TENM4: variants seen among roughly 807,000 people sequenced by gnomAD.
TENM4 encodes teneurin transmembrane protein 4.
A neutral mutation model predicts 243.3 loss-of-function variants in TENM4; 82 were observed. The ratio of observed to expected loss-of-function variants is 0.34; its 90% CI spans 0.28 to 0.40. TENM4 has a LOEUF of 0.40. Ranked by LOEUF, TENM4 falls within the 10% of genes least tolerant of loss-of-function variation. The probability of loss-of-function intolerance (pLI) is 1.00; values close to 1 mark genes in which losing one functional copy is unlikely to be tolerated. For synonymous variants in TENM4, 1,412 were observed against 1,456.3 expected (o/e 0.97, Z 0.69); for missense variants, 3,138 against 3,673.3 (o/e 0.85, Z 3.77).
chr11:79,049,273 C>G (rs1859738335), intron 6 of TENM4, among the ~76,000 whole-genome samples: 1 of 152,202 alleles, frequency 6.6e-6, no homozygotes, highest in Non-Finnish European at 1.5e-5. Context: ...ACGGCTCTTC[C>G]CCCCTACTCA....
intron 3 of TENM4, among the ~76,000 whole-genome samples, chr11:79,195,864 T>C (rs1280271160): frequency 6.6e-6 from 1 of 152,026 alleles, no homozygotes; most frequent in Non-Finnish European, 1.5e-5. Context: ...GGAGTGGAAT[T>C]TTATGGTTTG....
At chr11:79,190,768 GTCCCTCTCCCTCTCCCGTCTCCCTC>G (rs1863463472) in intron 3 of TENM4, among the ~76,000 whole-genome samples, 14 of 145,770 alleles carry the variant, frequency 9.6e-5, no homozygotes, top group Non-Finnish European at 1.8e-4. Context: ...AAATATTTTC[GTCCCTCTCCCTCTCCCGTCTCCCTC>G]TCCCTCTCCC....
At chr11:78,862,897 G>A (rs1405307374) in intron 10 of TENM4, 65 bp downstream of exon 10, 5 of 1,318,750 alleles carry the variant, frequency 3.8e-6, no homozygotes, top group Non-Finnish European at 4.9e-6. Context: ...CGCACGTTAT[G>A]GAGGGCTCTT....
chr11:79,037,203 C>T (rs1308989036), intron 6 of TENM4, among the ~76,000 whole-genome samples: 1 of 152,178 alleles, frequency 6.6e-6, no homozygotes, highest in Non-Finnish European at 1.5e-5. Flanking sequence ...GCCTGCTCCT[C>T]TAACCTCAAA....
chr11:79,099,206 C>G (rs147505627), intron 4 of TENM4, among the ~76,000 whole-genome samples: 2 of 152,228 alleles, frequency 1.3e-5, no homozygotes, highest in Non-Finnish European at 2.9e-5. Context: ...ACCTGGATTC[C>G]CCTCCTGCCA....
At chr11:79,363,494 C>T (rs1487186734) in intron 1 of TENM4, among the ~76,000 whole-genome samples, 1 of 152,158 alleles carries the variant, frequency 6.6e-6, no homozygotes, top group Non-Finnish European at 1.5e-5. Context: ...TGTGTGGTAT[C>T]GGTGCAGTCT....
intron 1 of TENM4, among the ~76,000 whole-genome samples, chr11:79,405,439 C>G (rs1858545789): frequency 7.0e-6 from 1 of 141,846 alleles, no homozygotes; most frequent in Non-Finnish European, 1.5e-5. Context: ...AAAGGGAGAG[C>G]ATAGTCAACA....
chr11:79,235,262 A>G (rs182162784), intron 2 of TENM4, among the ~76,000 whole-genome samples: 2,936 of 152,166 alleles, frequency 0.019, 56 homozygotes, highest in South Asian at 0.039. Context: ...GCAGTGAGCC[A>G]AGATATCGCG....
chr11:79,024,522 A>G (rs1409930233), intron 6 of TENM4, among the ~76,000 whole-genome samples: 1 of 152,230 alleles, frequency 6.6e-6, no homozygotes, highest in African/African-American at 2.4e-5. Flanking sequence ...TAATATATAG[A>G]AAATTGGTTT....
chr11:79,330,628 G>A (rs541546123), intron 1 of TENM4, among the ~76,000 whole-genome samples: 2 of 152,310 alleles, frequency 1.3e-5, no homozygotes, highest in East Asian at 3.9e-4. Flanking sequence ...GAATCAAATG[G>A]GAAATAATAT....
Position 78,814,287 on chromosome 11 carries a change from T to G in TENM4, c.1783+7A>C. ...AGAAATCCAGAGCTCCAATGCAGAG[T>G]TCTCACCTCTGCCACAGTCGGGGCC... On this transcript the variant is annotated splice_region_variant and intron_variant, in intron 13 of 33. Transcript: ENST00000278550. The G allele has an allele frequency of 6.5e-7, 1 of 1,548,328 alleles. No homozygotes were observed. Among genetic ancestry groups the G allele is most frequent in the Non-Finnish European group, 8.7e-7 (1 of 1,145,318 alleles).
chr11:78,717,347 C>A (rs959035902), intron 25 of TENM4, among the ~76,000 whole-genome samples: 1 of 152,156 alleles, frequency 6.6e-6, no homozygotes, highest in Non-Finnish European at 1.5e-5. Flanking sequence ...TAAGGTCTGC[C>A]TCATGCAAAG....
intron 2 of TENM4, among the ~76,000 whole-genome samples, chr11:79,287,939 G>A (rs754614522): frequency 3.3e-5 from 5 of 151,786 alleles, no homozygotes; most frequent in Non-Finnish European, 7.4e-5. Flanking sequence ...TGAAGGAGTG[G>A]GATGCTTAGC....
chr11:79,316,779 A>C (rs1856809875), intron 1 of TENM4, among the ~76,000 whole-genome samples: 1 of 152,168 alleles, frequency 6.6e-6, no homozygotes, highest in Non-Finnish European at 1.5e-5. Context: ...TCCTCACCAC[A>C]GGCAGATTTC....
intron 6 of TENM4, among the ~76,000 whole-genome samples, chr11:79,057,791 G>A (rs892819000): frequency 6.6e-6 from 1 of 152,096 alleles, no homozygotes; most frequent in African/African-American, 2.4e-5. Context: ...AGTACACTCT[G>A]CCACCCTATT....
At chr11:78,978,394 AG>A in intron 6 of TENM4, among the ~76,000 whole-genome samples, 1 of 149,654 alleles carries the variant, frequency 6.7e-6, no homozygotes, top group Middle Eastern at 3.2e-3. Context: ...AGAAAAGAAA[AG>A]AAAAGGAGCC....
chr11:78,950,683 T>G (rs773752950), intron 6 of TENM4, among the ~76,000 whole-genome samples: 2 of 152,200 alleles, frequency 1.3e-5, no homozygotes, highest in Non-Finnish European at 2.9e-5. Context: ...ACTGGGCACT[T>G]TGCTAAGTAC....
Position 78,949,622 on chromosome 11 carries a change from T to C in TENM4, c.494-46099A>G, listed in dbSNP as rs183528559. On this transcript the variant is annotated intron_variant, in intron 6 of 33. Transcript: ENST00000278550. ...GTTGAAGCAGGCAGCAGAGGCTAAA[T>C]GGTGTTGCTCACAAGACTAGGGGCT... 1.7e-3 allele frequency among the ~76,000 whole-genome samples: 261 copies of C among 152,292 alleles called. 1 individual carries two copies. The highest frequency in any genetic ancestry group is 5.8e-3 in the African/African-American group (242 of 41,564).
At chr11:79,327,698 C>G (rs1249219998) in intron 1 of TENM4, among the ~76,000 whole-genome samples, 1 of 150,180 alleles carries the variant, frequency 6.7e-6, no homozygotes. Context: ...CCCTTTGCCC[C>G]AAACCAGACC....
Sources: gnomAD v4.1 joint callset for allele counts (sites outside exome capture counted in the v4.1 genomes callset) on GRCh38, gnomAD v4.1.1 for gene constraint, MANE v1.5 for transcripts, NCBI Gene and HGNC (gene_info 2026-07-23, HGNC 2026-07-21) for gene names.